Variants in DKK2 observed in about 807,000 individuals in gnomAD.
DKK2 encodes dickkopf-related protein 2.
DKK2 carries 11 observed loss-of-function variants against 28.1 expected under a neutral mutation model. The observed-to-expected ratio is 0.39, with a 90% CI of 0.25 to 0.65. The LOEUF is 0.65. DKK2 is among the 30% of genes least tolerant of loss of function. DKK2 has a pLI of 0.47. For synonymous variants in DKK2, 135 were observed against 126.5 expected, an observed-to-expected ratio of 1.07 and a Z score of -0.45; for missense variants, 326 against 335.5, an observed-to-expected ratio of 0.97 and a Z score of 0.22.
chr4:106,993,396 G>C (rs998190516), intron 1 of DKK2, among the ~76,000 whole-genome samples: 13 of 152,208 alleles, frequency 8.5e-5, no homozygotes, highest in African/African-American at 2.4e-4. Context: ...TATTTCCCTA[G>C]TTTATTTAAA....
At chr4:106,949,998 A>C (rs915640955) in intron 1 of DKK2, among the ~76,000 whole-genome samples, 3 of 152,190 alleles carry the variant, frequency 2.0e-5, no homozygotes, top group African/African-American at 7.2e-5. Flanking sequence ...CTTTACAGGC[A>C]ATGACTGCTG....
chr4:106,946,670 T>C (rs1724780683), intron 1 of DKK2, among the ~76,000 whole-genome samples: 1 of 151,866 alleles, frequency 6.6e-6, no homozygotes, highest in Admixed American at 6.6e-5. Flanking sequence ...ATCAAAATGC[T>C]CTCCTCATTC....
chr4:106,928,385 G>A (rs940173517), intron 1 of DKK2, among the ~76,000 whole-genome samples: 2 of 151,944 alleles, frequency 1.3e-5, no homozygotes, highest in African/African-American at 2.4e-5. Context: ...AACTATACAA[G>A]GTTATGTATA....
At chr4:106,990,718 T>C (rs891144010) in intron 1 of DKK2, among the ~76,000 whole-genome samples, 12 of 152,088 alleles carry the variant, frequency 7.9e-5, no homozygotes, top group Admixed American at 7.9e-4. Context: ...CTAGTGTCTT[T>C]TATTGGCCAA....
chr4:106,932,127 C>T (rs1164996014), intron 1 of DKK2, among the ~76,000 whole-genome samples: 1 of 152,130 alleles, frequency 6.6e-6, no homozygotes, highest in Non-Finnish European at 1.5e-5. Context: ...TCGTGATCTG[C>T]ACCCCATGGA....
intron 1 of DKK2, among the ~76,000 whole-genome samples, chr4:106,999,012 C>G (rs986285095): frequency 6.6e-6 from 1 of 152,154 alleles, no homozygotes; most frequent in Admixed American, 6.5e-5. Flanking sequence ...AGAATTATCC[C>G]TGTTAGGACA....
At chr4:107,026,373 T>C (rs1196670186) in intron 1 of DKK2, among the ~76,000 whole-genome samples, 6 of 152,166 alleles carry the variant, frequency 3.9e-5, no homozygotes, top group Non-Finnish European at 8.8e-5. Context: ...AAAAACTCTT[T>C]AGTACATAAT....
chr4:106,924,225 A>G (rs751213942), intron 3 of DKK2, 21 bp from the exon 4 acceptor site: 2 of 1,612,880 alleles, frequency 1.2e-6, no homozygotes, highest in Non-Finnish European at 8.5e-7. Flanking sequence ...GATGACCAAT[A>G]GATGTTACCC....
At chr4:106,998,163 T>C (rs572419755) in intron 1 of DKK2, among the ~76,000 whole-genome samples, 1 of 152,318 alleles carries the variant, frequency 6.6e-6, no homozygotes, top group East Asian at 1.9e-4. Flanking sequence ...AGGGACTTTT[T>C]CTTCTCAGTT....
chr4:106,980,558 C>A (rs190464468), intron 1 of DKK2, among the ~76,000 whole-genome samples: 4 of 152,144 alleles, frequency 2.6e-5, no homozygotes, highest in African/African-American at 9.6e-5. Context: ...AGTAATAGTT[C>A]TGTGAGAATT....
intron 1 of DKK2, among the ~76,000 whole-genome samples, chr4:106,960,017 A>G (rs1434052844): frequency 1.3e-5 from 2 of 151,846 alleles, no homozygotes; most frequent in Non-Finnish European, 2.9e-5. Context: ...ATATCTAGAT[A>G]TCCTTTTTAT....
intron 1 of DKK2, among the ~76,000 whole-genome samples, chr4:106,942,052 GAGAA>G (rs1461818562): frequency 6.6e-6 from 1 of 152,136 alleles, no homozygotes; most frequent in Non-Finnish European, 1.5e-5. Flanking sequence ...ACATGGTACA[GAGAA>G]AGACTCTATC....
At chr4:106,935,900 AG>A (rs1252222146) in intron 1 of DKK2, among the ~76,000 whole-genome samples, 2 of 152,230 alleles carry the variant, frequency 1.3e-5, no homozygotes, top group African/African-American at 2.4e-5. Flanking sequence ...CCTGCAGCTG[AG>A]GGTCCTGTCC....
At chr4:107,030,029 G>A (rs1394733524) in intron 1 of DKK2, among the ~76,000 whole-genome samples, 1 of 151,914 alleles carries the variant, frequency 6.6e-6, no homozygotes, top group Non-Finnish European at 1.5e-5. Flanking sequence ...AATCTGTTGT[G>A]CAGATTCAGG....
At chr4:106,977,710 A>G (rs1353924706) in intron 1 of DKK2, among the ~76,000 whole-genome samples, 1 of 152,026 alleles carries the variant, frequency 6.6e-6, no homozygotes, top group East Asian at 1.9e-4. Context: ...GGAGTTTGTT[A>G]TTACCCACCT....
At chr4:106,959,884 A>G (rs1322724083) in intron 1 of DKK2, among the ~76,000 whole-genome samples, 2 of 152,014 alleles carry the variant, frequency 1.3e-5, no homozygotes, top group Non-Finnish European at 2.9e-5. Flanking sequence ...AGTTTGTTCA[A>G]GATATCAATT....
At chr4:106,933,844 TG>T in intron 1 of DKK2, among the ~76,000 whole-genome samples, 1 of 152,294 alleles carries the variant, frequency 6.6e-6, no homozygotes, top group African/African-American at 2.4e-5. Context: ...GAACAGGTTA[TG>T]GTTGGTGAAT....
intron 1 of DKK2, among the ~76,000 whole-genome samples, chr4:106,979,446 T>C (rs919863535): frequency 2.6e-5 from 4 of 151,720 alleles, no homozygotes; most frequent in Admixed American, 1.3e-4. Context: ...ATCCTTCTTT[T>C]TTTTTTTTTT....
intron 1 of DKK2, among the ~76,000 whole-genome samples, chr4:107,009,652 A>G (rs1723487343): frequency 6.6e-6 from 1 of 151,858 alleles, no homozygotes. Context: ...AATTTATGAA[A>G]TCATACTTCA....
Sources: allele counts gnomAD v4.1 joint callset (sites outside exome capture counted in the v4.1 genomes callset), GRCh38; gene constraint gnomAD v4.1.1; transcripts MANE v1.5; gene names NCBI Gene and HGNC (gene_info 2026-07-23, HGNC 2026-07-21).